The following BCAS3 variants were observed in gnomAD, a reference collection of about 807,000 sequenced individuals.
BCAS3 encodes BCAS3 microtubule associated cell migration factor.
A neutral mutation model predicts 116.1 loss-of-function variants in BCAS3; 53 were observed. The observed-to-expected ratio is 0.46, with a 90% CI of 0.37 to 0.57. The LOEUF is 0.57. BCAS3 is among the 20% of genes least tolerant of loss of function. The probability of loss-of-function intolerance (pLI) is 0.00; values close to 1 mark genes in which losing one functional copy is unlikely to be tolerated. For synonymous variants in BCAS3, 391 were observed against 408.2 expected (o/e 0.96, Z 0.51); for missense variants, 917 against 1,165.4 (o/e 0.79, Z 3.10).
rs2081073435 is a variant in BCAS3, at chr17:61,205,594, G to C, written c.2425+121030G>C. Among the ~76,000 whole-genome samples the C allele has an allele frequency of 6.6e-6, 1 of 152,210 alleles. No individual in the cohort carries two copies. The highest frequency in any genetic ancestry group is 1.5e-5 in the Non-Finnish European group (1 of 68,032). On this transcript the variant is annotated intron_variant, in intron 22 of 23. Transcript: ENST00000407086. This position sits in a 1 kb window ranked among gnomAD's most constrained non-coding sequence, Gnocchi z 5.2. ...TGACATACTCAGAACAAATTGGTCTGTGTGATTGCTACCACATGCTGTAGC... is the reference window on the plus strand; with the variant it reads ...TGACATACTCAGAACAAATTGGTCTCTGTGATTGCTACCACATGCTGTAGC...
At chr17:60,902,785 G>T in intron 11 of BCAS3, 82 bp downstream of exon 11, 2 of 1,150,806 alleles carry the variant, frequency 1.7e-6, no homozygotes, top group African/African-American at 1.5e-5. Context: ...ATTTTCTATT[G>T]TAATGATTGT....
intron 22 of BCAS3, among the ~76,000 whole-genome samples, chr17:61,318,702 C>T (rs1406813036): frequency 6.6e-6 from 1 of 152,168 alleles, no homozygotes; most frequent in African/African-American, 2.4e-5. Context: ...CCAGAGTTGT[C>T]CACCTGCAAC....
chr17:60,826,081 C>G (rs190639611), intron 7 of BCAS3, among the ~76,000 whole-genome samples: 2 of 151,936 alleles, frequency 1.3e-5, no homozygotes, highest in Admixed American at 1.3e-4. Context: ...AGGCTGGTCT[C>G]AAACTTCTGA....
intron 6 of BCAS3, among the ~76,000 whole-genome samples, chr17:60,782,862 AC>A (rs1376643609): frequency 6.6e-6 from 1 of 152,082 alleles, no homozygotes; most frequent in African/African-American, 2.4e-5. Context: ...TGCTGGGAAT[AC>A]AGGCATGAGC....
At chr17:60,886,880 G>A (rs1293257229) in intron 9 of BCAS3, 1 of 150,906 alleles carries the variant, frequency 6.6e-6, no homozygotes, top group Non-Finnish European at 1.5e-5. Context: ...AGTCTGCAGA[G>A]GTTACTGCTG....
chr17:60,991,931 A>G (rs1225574802), intron 15 of BCAS3, among the ~76,000 whole-genome samples: 1 of 152,086 alleles, frequency 6.6e-6, no homozygotes, highest in African/African-American at 2.4e-5. Context: ...TCCACATTGT[A>G]GTATATATTA....
Position 60,988,310 on chromosome 17 carries a change from T to G in BCAS3, c.1222-1661T>G, listed in dbSNP as rs186855752. On this transcript the variant is annotated intron_variant, in intron 14 of 23. Coordinates refer to ENST00000407086, the MANE Select transcript of BCAS3 (RefSeq NM_017679.5). ...GTCTAGTCTTGTCTGGTCTTGTCTT[T>G]TCTTTTCTTTCCTTTTCTTTTCTTT... Among the ~76,000 whole-genome samples, 150 of 150,158 alleles carry G rather than the reference T, an allele frequency of 1.0e-3. 1 individual carries two copies. The highest frequency in any genetic ancestry group is 1.8e-3 in the Non-Finnish European group (119 of 67,548).
At chr17:60,700,180 A>AG (rs2036201459) in intron 4 of BCAS3, among the ~76,000 whole-genome samples, 1 of 151,850 alleles carries the variant, frequency 6.6e-6, no homozygotes, top group African/African-American at 2.4e-5. Flanking sequence ...TCTCAAAAAA[A>AG]AAAAAGAAGC....
At chr17:61,319,563 CTT>C (rs935864446) in intron 22 of BCAS3, among the ~76,000 whole-genome samples, 1 of 133,078 alleles carries the variant, frequency 7.5e-6, no homozygotes. Flanking sequence ...GCTATAGAGG[CTT>C]TTTTTTTTTC....
rs548726943 is a variant in BCAS3 at position 60,895,617 on chromosome 17, C to T, written c.738+5846C>T. On this transcript the variant is annotated intron_variant, in intron 10 of 23. Transcript: ENST00000407086. ...GGTTTGGTTTATTCTTTTTTAGCTC[C>T]TTTGGGTGCATTGTTAGATTGTTAA... 6.6e-5 allele frequency among the ~76,000 whole-genome samples: 10 copies of T among 151,916 alleles called. No homozygotes were observed. The South Asian group carries it at 1.0e-3, about 16-fold the overall frequency.
intron 6 of BCAS3, among the ~76,000 whole-genome samples, chr17:60,792,305 A>T (rs1014891634): frequency 1.3e-5 from 2 of 152,208 alleles, no homozygotes; most frequent in African/African-American, 2.4e-5. Context: ...AGCTTCGTGC[A>T]TGGGCCTCGT....
At chr17:60,684,369 A>G (rs942618741) in intron 3 of BCAS3, among the ~76,000 whole-genome samples, 12 of 152,130 alleles carry the variant, frequency 7.9e-5, no homozygotes, top group Non-Finnish European at 1.3e-4. Context: ...AAAGCAATAT[A>G]CACTCTGCAC....
intron 4 of BCAS3, among the ~76,000 whole-genome samples, chr17:60,695,322 G>A (rs1462547714): frequency 6.6e-6 from 1 of 152,076 alleles, no homozygotes; most frequent in East Asian, 1.9e-4. Flanking sequence ...GTTTCATCAT[G>A]TTGGCCAGGA....
At chr17:60,773,855 C>T (rs1162522500) in intron 6 of BCAS3, among the ~76,000 whole-genome samples, 1 of 152,154 alleles carries the variant, frequency 6.6e-6, no homozygotes, top group Non-Finnish European at 1.5e-5. Context: ...CCGTATTTCC[C>T]AGGCTGGTCT....
At chr17:60,966,992 T>C (rs146946158) in intron 14 of BCAS3, among the ~76,000 whole-genome samples, 3 of 152,292 alleles carry the variant, frequency 2.0e-5, no homozygotes, top group African/African-American at 7.2e-5. Context: ...ATTTTTTGTA[T>C]TACCTATGTT....
intron 7 of BCAS3, among the ~76,000 whole-genome samples, chr17:60,852,226 GCAC>G (rs1431433464): frequency 6.6e-6 from 1 of 151,894 alleles, no homozygotes; most frequent in Non-Finnish European, 1.5e-5. Flanking sequence ...TTGGTGTGCT[GCAC>G]CCATGTTGTT....
In BCAS3 at chr17:61,124,397, A is replaced by G. The variant is rs1305146562; in HGVS notation, c.2425+39833A>G. Among the ~76,000 whole-genome samples, 1 of 152,122 alleles carries G rather than the reference A, an allele frequency of 6.6e-6. No homozygotes were observed. The highest frequency in any genetic ancestry group is 1.5e-5 in the Non-Finnish European group (1 of 68,024). ...TCTATAAAAGTAGGGATTATAATAT[A>G]ACAATGCATCTTTTTATTTAGTTTG... is the stretch of plus-strand genomic sequence containing the variant. On this transcript the variant is annotated intron_variant, in intron 22 of 23. Coordinates refer to ENST00000407086, the MANE Select transcript of BCAS3 (RefSeq NM_017679.5). The surrounding 1 kb of genome is among the most constrained non-coding windows in gnomAD (Gnocchi z 4.6).
intron 22 of BCAS3, among the ~76,000 whole-genome samples, chr17:61,271,159 G>T (rs534506899): frequency 8.2e-6 from 1 of 121,972 alleles, no homozygotes; most frequent in Non-Finnish European, 1.6e-5. Context: ...ATGGAGTCTC[G>T]CTCTGTTCCC....
intron 13 of BCAS3, among the ~76,000 whole-genome samples, chr17:60,932,246 TG>T (rs1205441538): frequency 6.6e-6 from 1 of 152,176 alleles, no homozygotes; most frequent in African/African-American, 2.4e-5. Flanking sequence ...GTTAATATTT[TG>T]TCCCCAAGTA....
Sources: allele counts gnomAD v4.1 joint callset (sites outside exome capture counted in the v4.1 genomes callset), GRCh38; gene constraint gnomAD v4.1.1; non-coding constraint Gnocchi (gnomAD v3.1); transcripts MANE v1.5; gene names NCBI Gene and HGNC (gene_info 2026-07-23, HGNC 2026-07-21).